JSRP1: variants seen among roughly 807,000 people sequenced by gnomAD.
JSRP1 encodes the protein junctional sarcoplasmic reticulum protein 1, also known as 2310032K21Rik.
In JSRP1, 29 loss-of-function variants were observed where a neutral mutation model predicts 21.4. That is an observed-to-expected ratio of 1.36 (90% CI 1.01 to 1.85). The LOEUF is 1.85. JSRP1 is among the 40% of genes most tolerant of loss of function. JSRP1 has a pLI of 0.00. For missense variants in JSRP1, 531 were observed against 461.5 expected (o/e 1.15, Z -1.38); for synonymous variants, 221 against 206.1 (o/e 1.07, Z -0.62).
rs1176800822 is a variant in JSRP1 at position 2,254,493 on chromosome 19, A to G, written c.110-11T>C. ...CCAGCCTGGGTGTCGCTGTGGGAAC[A>G]CAGGCAGAGTCAAGGTTGTGGGGAC... On this transcript the variant is annotated splice_polypyrimidine_tract_variant and intron_variant, in intron 2 of 6. Coordinates refer to ENST00000300961, the MANE Select transcript of JSRP1 (RefSeq NM_144616.4). 6 of 1,612,602 alleles carry G rather than the reference A, an allele frequency of 3.7e-6. No individual in the cohort carries two copies. Among genetic ancestry groups the G allele is most frequent in the Non-Finnish European group, 5.1e-6 (6 of 1,179,914 alleles).
intron 6 of JSRP1, 48 bp from the exon 7 acceptor site, chr19:2,252,844 G>A: frequency 6.3e-7 from 1 of 1,595,030 alleles, no homozygotes; most frequent in South Asian, 1.1e-5. Context: ...CTTCCCCCCG[G>A]CCCGGGCTCC....
intron 3 of JSRP1, 47 bp from the exon 4 acceptor site, chr19:2,254,348 C>A: frequency 6.9e-6 from 11 of 1,599,560 alleles, no homozygotes; most frequent in Non-Finnish European, 9.4e-6. Flanking sequence ...CAGTGCCAAA[C>A]CCTTCCCGTG....
At position 2,252,628 on chromosome 19, in the gene JSRP1, G is replaced by C; in HGVS notation, c.697C>G (p.Arg233Gly). ...VREDRVTLAD[R>G]GPKERPRREG... ...CTCCGAGGCCTCTCCTTGGGTCCCCGGTCTGCGAGGGTCACACGGTCCTCC... is the reference window on the plus strand; with the variant it reads ...CTCCGAGGCCTCTCCTTGGGTCCCCCGTCTGCGAGGGTCACACGGTCCTCC... The change falls in exon 7 of 7, where the codon CGG becomes GGG. Residue 233 changes from arginine to glycine, a missense_variant. Arg to Gly is a moderately radical substitution (Grantham distance 125, BLOSUM62 -2). Coordinates refer to ENST00000300961, the MANE Select transcript of JSRP1 (RefSeq NM_144616.4). 1 of 1,612,406 alleles carries C rather than the reference G, an allele frequency of 6.2e-7. No homozygotes were observed. Among genetic ancestry groups the C allele is most frequent in the Non-Finnish European group, 8.5e-7 (1 of 1,179,918 alleles).
At chr19:2,255,405 G>A in intron 1 of JSRP1, 61 bp from the exon 2 acceptor site, 1 of 736,676 alleles carries the variant, frequency 1.4e-6, no homozygotes. Context: ...GCCTGGGCCT[G>A]ACCTGGAGGT....
In JSRP1 at chr19:2,252,814, G is replaced by C; in HGVS notation, c.529-18C>G. The C allele has an allele frequency of 6.2e-7, 1 of 1,603,784 alleles. No individual in the cohort carries two copies. The highest frequency in any genetic ancestry group is 1.1e-5 in the South Asian group (1 of 90,772). On this transcript the variant is annotated intron_variant, in intron 6 of 6. Coordinates refer to ENST00000300961, the MANE Select transcript of JSRP1 (RefSeq NM_144616.4). The stretch of plus-strand genomic sequence containing the variant: ...AACTTAGGCTGCAAGACAGAGTGGG[G>C]TCCTGGGGTAAGCGCCCACCTTCCC...
chr19:2,253,592 G>A (rs1301598769), intron 5 of JSRP1, 28 bp downstream of exon 5: 1 of 1,424,396 alleles, frequency 7.0e-7, no homozygotes, highest in African/African-American at 1.5e-5. Flanking sequence ...CCCCAGCCTC[G>A]CCCCACCTCT....
intron 1 of JSRP1, 70 bp downstream of exon 1, chr19:2,256,313 C>T (rs2025146732): frequency 6.6e-6 from 1 of 152,366 alleles, no homozygotes; most frequent in Admixed American, 6.5e-5. Flanking sequence ...CACCCCTTCA[C>T]ACCCCGGGAG....
rs763792810 is a variant in JSRP1, at chr19:2,255,240, A to T, written c.75T>A (p.Ser25=). Residue 25 remains serine, a synonymous_variant, in exon 2 of 7, where the codon TCT becomes TCA. Transcript: ENST00000300961. The stretch of plus-strand genomic sequence containing the variant: ...TGTCCTCCTGGGTCTCGGCCAGCGC[A>T]GAGTGGTCCTCCAGGGCCTGGCAGC... The part of the protein sequence containing the change: ...LGSCQALEDH[S]ALAETQEDRA... 1.2e-6 allele frequency: 2 copies of T among 1,611,530 alleles called. No individual in the cohort carries two copies. The highest frequency in any genetic ancestry group is 1.7e-6 in the Non-Finnish European group (2 of 1,178,974).
chr19:2,252,456 G>C lies in JSRP1; in HGVS notation c.869C>G (p.Pro290Arg), dbSNP rs751345616. 1.6e-5 allele frequency: 25 copies of C among 1,611,104 alleles called. No homozygotes were observed. Among genetic ancestry groups the C allele is most frequent in the Admixed American group, 1.5e-4 (9 of 59,884 alleles). Reference sequence around the variant, plus strand: ...GGCGTCCCTGGAGTCCCGTGCCCACGGCCGGTGGCCCCCTTCGCGTGACTC... The same window carrying C: ...GGCGTCCCTGGAGTCCCGTGCCCACCGCCGGTGGCCCCCTTCGCGTGACTC... ...RWESREGGHR[P>R]WARDSRDAEP... is the part of the protein sequence containing the mutation. Residue 290 changes from proline (P) to arginine (R), a missense_variant, in exon 7 of 7, where the codon CCG (proline) becomes CGG (arginine). Physicochemically the swap from Pro to Arg is moderately radical, Grantham distance 103. Transcript: ENST00000300961.
rs748362353 is a variant in JSRP1 at position 2,255,351 on chromosome 19, G to T, written c.-30-7C>A. On this transcript the variant is annotated splice_region_variant and splice_polypyrimidine_tract_variant and intron_variant, in intron 1 of 6. Coordinates refer to ENST00000300961, the MANE Select transcript of JSRP1 (RefSeq NM_144616.4). ...CAGCAGGTCCCAGGCCAGGCTGGGA[G>T]GGGTGGGGAACAAGGTCTTGCATTT... is the stretch of plus-strand genomic sequence containing the variant. 9 of 1,407,258 alleles carry T rather than the reference G, an allele frequency of 6.4e-6. No individual in the cohort carries two copies. Among genetic ancestry groups the T allele is most frequent in the Admixed American group, 1.8e-5 (1 of 55,350 alleles). 87.2% of individuals were successfully genotyped at this position (1,407,258 alleles called of 1,614,324 possible).
At chr19:2,254,121 C>T (rs1225177326) in intron 4 of JSRP1, 66 bp downstream of exon 4, 9 of 1,256,188 alleles carry the variant, frequency 7.2e-6, no homozygotes, top group East Asian at 2.4e-5. Context: ...GACCCAGCTC[C>T]GGCACCTGAG....
chr19:2,254,308 T>C lies in JSRP1; in HGVS notation c.148-7A>G. On this transcript the variant is annotated splice_polypyrimidine_tract_variant and splice_region_variant and intron_variant, in intron 3 of 6. Transcript: ENST00000300961. ...CTTCAGCCACCTGAGAGTCCTGTGG[T>C]TATCACGAGACATTCCACATGTTTC... 1 of 1,595,026 alleles carries C rather than the reference T, an allele frequency of 6.3e-7. No individual in the cohort carries two copies.
chr19:2,254,140 C>G, intron 4 of JSRP1, 47 bp downstream of exon 4: 1 of 1,413,354 alleles, frequency 7.1e-7, no homozygotes, highest in Non-Finnish European at 9.7e-7. Flanking sequence ...AGCCTCACAC[C>G]AGTCCGTTCC....
rs2025066627 is a variant in JSRP1, at chr19:2,252,354, A to G, written c.971T>C (p.Leu324Pro). Residue 324 changes from leucine (L) to proline (P), a missense_variant, in exon 7 of 7, where the codon CTC becomes CCC. By Grantham distance (98) the Leu-to-Pro change is moderately conservative. Transcript: ENST00000300961. The part of the protein sequence containing the change: ...EEQRPGSRQK[L>P]RAGKGRD ...TCAGTCCCGCCCCTTGCCTGCGCGG[A>G]GCTTCTGGCGACTCCCAGGCCGCTG... is the stretch of plus-strand genomic sequence containing the variant. 2 of 1,540,238 alleles carry G rather than the reference A, an allele frequency of 1.3e-6. No homozygotes were observed. Among genetic ancestry groups the G allele is most frequent in the East Asian group, 2.4e-5 (1 of 42,046 alleles).
Position 2,252,987 on chromosome 19 carries a change from C to A in JSRP1, c.453G>T (p.Glu151Asp). The A allele has an allele frequency of 6.2e-7, 1 of 1,605,370 alleles. No homozygotes were observed. Among genetic ancestry groups the A allele is most frequent in the Non-Finnish European group, 8.5e-7 (1 of 1,176,480 alleles). Residue 151 changes from glutamate to aspartate, a missense_variant, in exon 6 of 7, where the codon GAG becomes GAT. Physicochemically the swap from Glu to Asp is conservative, Grantham distance 45. Transcript: ENST00000300961. ...FQLCRDAVPG[E>D]AALQARVPEP... Reference sequence around the variant, plus strand: ...CGGGCACACGTGCTTGGAGTGCTGCCTCCCCAGGGACGGCGTCTGCAGCGA... The same window carrying A: ...CGGGCACACGTGCTTGGAGTGCTGCATCCCCAGGGACGGCGTCTGCAGCGA...
chr19:2,253,713 C>A lies in JSRP1; in HGVS notation c.343G>T (p.Glu115Ter). Reference sequence around the variant, plus strand: ...GACAGGTCTCCCCAGGGCAGCTCCTCGCTCAGGGCCGGGGGCGGCGGCGGC... The same window carrying A: ...GACAGGTCTCCCCAGGGCAGCTCCTAGCTCAGGGCCGGGGGCGGCGGCGGC... ...QPPPPPPALS[E>*]ELPWGDLSLN... Residue 115 changes from glutamate (E) to a stop codon, truncating the protein, a stop_gained, in exon 5 of 7, where the codon GAG (glutamate) becomes TAG (stop). Transcript: ENST00000300961. LOFTEE classifies it high-confidence loss of function. The A allele has an allele frequency of 2.0e-6, 3 of 1,498,546 alleles. No homozygotes were observed. Among genetic ancestry groups the A allele is most frequent in the Non-Finnish European group, 1.8e-6 (2 of 1,131,682 alleles). The allele number at this position is 1,498,546 out of a possible 1,614,324, so 92.8% of individuals were successfully genotyped here.
intron 5 of JSRP1, 134 bp downstream of exon 5, chr19:2,253,486 T>A (rs1319716196): frequency 3.1e-5 from 27 of 866,684 alleles, no homozygotes; most frequent in Non-Finnish European, 4.1e-5. Flanking sequence ...CAAACCAACT[T>A]TGGGGGCGTG....
Position 2,252,598 on chromosome 19 carries a change from C to T in JSRP1, c.727G>A (p.Gly243Arg). 1 of 1,612,752 alleles carries T rather than the reference C, an allele frequency of 6.2e-7. No individual in the cohort carries two copies. Among genetic ancestry groups the T allele is most frequent in the Non-Finnish European group, 8.5e-7 (1 of 1,179,908 alleles). ...RGPKERPRRE[G>R]KPRKEKPRKE... is the part of the protein sequence containing the mutation. The stretch of plus-strand genomic sequence containing the variant: ...CGCGGCTTCTCCTTCCGCGGCTTCC[C>T]CTCTCTCCGAGGCCTCTCCTTGGGT... The change falls in exon 7 of 7, where the codon GGG (glycine) becomes AGG (arginine). Residue 243 changes from glycine to arginine, a missense_variant. Physicochemically the swap from Gly to Arg is moderately radical, Grantham distance 125. Coordinates refer to ENST00000300961, the MANE Select transcript of JSRP1 (RefSeq NM_144616.4).
At position 2,254,458 on chromosome 19, in the gene JSRP1, C is replaced by T; in HGVS notation, c.134G>A (p.Gly45Asp). 6.2e-7 allele frequency: 1 copy of T among 1,612,886 alleles called. No individual in the cohort carries two copies. The highest frequency in any genetic ancestry group is 2.2e-5 in the East Asian group (1 of 44,888). Reference protein sequence around the residue: ...ASATPRLADSGSVPHDSQVAE... With the variant: ...ASATPRLADSDSVPHDSQVAE... The stretch of plus-strand genomic sequence containing the variant: ...CCAGCTACTCACGTGGGGCACGCTG[C>T]CGGAGTCGGCCAGCCTGGGTGTCGC... The change falls in exon 3 of 7, where the codon GGC becomes GAC. Residue 45 changes from glycine (G) to aspartate (D), a missense_variant. Transcript: ENST00000300961.
Sources: allele counts gnomAD v4.1 joint callset, GRCh38; gene constraint gnomAD v4.1.1; transcripts MANE v1.5; gene names NCBI Gene and HGNC (gene_info 2026-07-23, HGNC 2026-07-21).